The following BTG4 variants were observed in gnomAD, a reference collection of about 807,000 sequenced individuals.
BTG4 encodes the protein BTG anti-proliferation factor 4, also known as protein BTG4.
BTG4 carries 10 observed loss-of-function variants against 19.3 expected under a neutral mutation model. The ratio of observed to expected loss-of-function variants is 0.52; its 90% CI spans 0.32 to 0.88. The LOEUF (loss-of-function observed/expected upper bound fraction) is 0.88, where lower values mean the gene tolerates loss of function less well. BTG4 is among the 40% of genes least tolerant of loss of function. The probability of loss-of-function intolerance (pLI) is 0.04; values close to 1 mark genes in which losing one functional copy is unlikely to be tolerated. For synonymous variants in BTG4, 91 were observed against 95.7 expected, an observed-to-expected ratio of 0.95 and a Z score of 0.29; for missense variants, 238 against 281.9, an observed-to-expected ratio of 0.84 and a Z score of 1.11.
intron 4 of BTG4, 169 bp downstream of exon 4, chr11:111,497,042 G>A (rs2135674681): frequency 1.8e-6 from 1 of 566,394 alleles, no homozygotes; most frequent in Non-Finnish European, 3.1e-6. Context: ...AATACATTGT[G>A]CAGTGAAGGA....
At chr11:111,423,227 C>T in the BTG4 span, among the ~76,000 whole-genome samples, 5 of 152,076 alleles carry the variant, frequency 3.3e-5, no homozygotes, top group Non-Finnish European at 5.9e-5. Context: ...GCTGTGGTGG[C>T]GGGCCCGGGA....
the BTG4 span, among the ~76,000 whole-genome samples, chr11:111,442,546 C>CACA: frequency 0.22 from 31,717 of 141,342 alleles, 3,933 homozygotes; most frequent in Non-Finnish European, 0.28. Flanking sequence ...ACACACACAC[C>CACA]AGATGAGCCT....
chr11:111,479,471 A>G (rs758981559), intron 5 of BTG4, among the ~76,000 whole-genome samples: 3 of 152,054 alleles, frequency 2.0e-5, no homozygotes, highest in Non-Finnish European at 4.4e-5. Context: ...CTAAGAATAT[A>G]TCAAGCATAA....
chr11:111,495,063 A>T lies in BTG4; in HGVS notation c.*72T>A, dbSNP rs890925749. Reference sequence around the variant, plus strand: ...TTGTTTCATGGGCCTCTCAACCTTAAATTCATTTTTATTTTAGAGAGAATA... The same window carrying T: ...TTGTTTCATGGGCCTCTCAACCTTATATTCATTTTTATTTTAGAGAGAATA... On this transcript the variant is annotated 3_prime_UTR_variant, in exon 5 of 5. Coordinates refer to ENST00000692032, the MANE Select transcript of BTG4 (RefSeq NM_001367975.1). 4 of 1,411,336 alleles carry T rather than the reference A, an allele frequency of 2.8e-6. No individual in the cohort carries two copies. Among genetic ancestry groups the T allele is most frequent in the Non-Finnish European group, 3.7e-6 (4 of 1,084,480 alleles). 87.4% of individuals were successfully genotyped at this position (1,411,336 alleles called of 1,614,324 possible). A position where few individuals can be genotyped will look rare whatever the true frequency, so the allele number is the denominator to read the frequency against.
chr11:111,511,136 G>A (rs1202861089), intron 1 of BTG4, among the ~76,000 whole-genome samples: 2 of 152,166 alleles, frequency 1.3e-5, no homozygotes, highest in African/African-American at 4.8e-5. Context: ...AAGATAAGAT[G>A]AATACAAAAT....
At chr11:111,511,104 C>T (rs2135752565) in intron 1 of BTG4, among the ~76,000 whole-genome samples, 1 of 152,308 alleles carries the variant, frequency 6.6e-6, no homozygotes, top group South Asian at 2.1e-4. Context: ...GTAATGTGTG[C>T]TAAAACACCG....
chr11:111,481,343 A>T (rs893969125), intron 5 of BTG4, among the ~76,000 whole-genome samples: 1 of 151,836 alleles, frequency 6.6e-6, no homozygotes, highest in African/African-American at 2.4e-5. Flanking sequence ...TCATAATATA[A>T]TTCTACCAAA....
chr11:111,496,675 T>C (rs1188381917), intron 4 of BTG4: 1 of 152,596 alleles, frequency 6.6e-6, no homozygotes, highest in Non-Finnish European at 1.5e-5. Context: ...ATGAATTTAA[T>C]TGGAAGTATT....
chr11:111,466,572 T>C (rs945586501), downstream of BTG4, among the ~76,000 whole-genome samples: 4 of 152,212 alleles, frequency 2.6e-5, no homozygotes, highest in Non-Finnish European at 5.9e-5. Flanking sequence ...CCATGTAGCA[T>C]GATGCATATA....
downstream of BTG4, among the ~76,000 whole-genome samples, chr11:111,491,734 CAAAA>C (rs5794751): frequency 1.0e-5 from 1 of 99,966 alleles, no homozygotes; most frequent in Admixed American, 1.0e-4. Flanking sequence ...GACCTGATCT[CAAAA>C]AAAAAAAAAA....
chr11:111,394,880 CT>C, the BTG4 span, among the ~76,000 whole-genome samples: 1 of 152,196 alleles, frequency 6.6e-6, no homozygotes, highest in South Asian at 2.1e-4. Context: ...GTGGAAAAGC[CT>C]GAGATGCTCA....
the BTG4 span, among the ~76,000 whole-genome samples, chr11:111,405,478 T>C: frequency 2.8e-5 from 4 of 145,250 alleles, no homozygotes; most frequent in Non-Finnish European, 4.5e-5. Context: ...CAGAGTTACC[T>C]GGCCTCGCAC....
At chr11:111,422,008 T>G in the BTG4 span, among the ~76,000 whole-genome samples, 1 of 152,140 alleles carries the variant, frequency 6.6e-6, no homozygotes, top group Non-Finnish European at 1.5e-5. Flanking sequence ...CAGAAGTTGC[T>G]GGAGAGCAAG....
chr11:111,493,951 T>G (rs546955549), downstream of BTG4, among the ~76,000 whole-genome samples: 1 of 152,294 alleles, frequency 6.6e-6, no homozygotes, highest in East Asian at 1.9e-4. Flanking sequence ...AGGTCACAAC[T>G]TTTTGTATCC....
At chr11:111,465,273 A>ACC (rs1439437932), downstream of BTG4, among the ~76,000 whole-genome samples, 1 of 152,000 alleles carries the variant, frequency 6.6e-6, no homozygotes, top group Admixed American at 6.6e-5. Context: ...CACCATGAAC[A>ACC]CCCCTGAACT....
At chr11:111,476,649 C>T (rs1443247785) in intron 5 of BTG4, among the ~76,000 whole-genome samples, 4 of 152,046 alleles carry the variant, frequency 2.6e-5, no homozygotes, top group Admixed American at 2.0e-4. Flanking sequence ...CTTAAAAATA[C>T]CTCATTAGTT....
chr11:111,491,230 C>A (rs1371710755), downstream of BTG4, among the ~76,000 whole-genome samples: 1 of 152,012 alleles, frequency 6.6e-6, no homozygotes, highest in Non-Finnish European at 1.5e-5. Flanking sequence ...GGATGGGAGT[C>A]GGAGGAAGTG....
In BTG4 at chr11:111,501,047, A is replaced by G. The variant is rs1353869613; in HGVS notation, c.-26-2245T>C. Among the ~76,000 whole-genome samples the G allele has an allele frequency of 2.6e-5, 4 of 151,796 alleles. No homozygotes were observed. The South Asian group carries it at 8.3e-4, about 32-fold the overall frequency. Reference sequence around the variant, plus strand: ...ACAATAGTGAACTCATAAGGTTGTAATTAAGATTATACTAGATAACAGTAA... The same window carrying G: ...ACAATAGTGAACTCATAAGGTTGTAGTTAAGATTATACTAGATAACAGTAA... On this transcript the variant is annotated intron_variant, in intron 1 of 4. Transcript: ENST00000692032.
At chr11:111,460,035 C>T in the BTG4 span, among the ~76,000 whole-genome samples, 1 of 152,182 alleles carries the variant, frequency 6.6e-6, no homozygotes, top group Admixed American at 6.5e-5. Flanking sequence ...CAGAAACTCA[C>T]CACCCACCCC....
Sources: gnomAD v4.1 joint callset for allele counts (sites outside exome capture counted in the v4.1 genomes callset) on GRCh38, gnomAD v4.1.1 for gene constraint, MANE v1.5 for transcripts, NCBI Gene and HGNC (gene_info 2026-07-23, HGNC 2026-07-21) for gene names.